KCNJ6: variants seen among roughly 807,000 people sequenced by gnomAD.
KCNJ6 encodes the protein G protein-activated inward rectifier potassium channel 2.
A neutral mutation model predicts 34.2 loss-of-function variants in KCNJ6; 9 were observed. That is an observed-to-expected ratio of 0.26 (90% CI 0.16 to 0.46). The LOEUF (loss-of-function observed/expected upper bound fraction) is 0.46. KCNJ6 is among the 20% of genes least tolerant of loss of function. The probability of loss-of-function intolerance (pLI) is 1.00; values close to 1 mark genes in which losing one functional copy is unlikely to be tolerated. For missense variants in KCNJ6, 236 were observed against 531.3 expected (o/e 0.44, Z 5.46); for synonymous variants, 196 against 207.1 (o/e 0.95, Z 0.46).
intron 3 of KCNJ6, among the ~76,000 whole-genome samples, chr21:37,626,983 CCAGCCAGT>C (rs1373819497): frequency 6.6e-6 from 1 of 152,124 alleles, no homozygotes; most frequent in Non-Finnish European, 1.5e-5. Context: ...GAGCAGCCAG[CCAGCCAGT>C]CAGTATGTCA....
intron 1 of KCNJ6, among the ~76,000 whole-genome samples, chr21:37,850,325 A>G (rs2055531169): frequency 6.6e-6 from 1 of 152,008 alleles, no homozygotes; most frequent in African/African-American, 2.4e-5. Context: ...CAGGCCGTGG[A>G]CCAATACTGG....
intron 3 of KCNJ6, among the ~76,000 whole-genome samples, chr21:37,699,776 G>A (rs2054681125): frequency 1.3e-5 from 2 of 152,188 alleles, no homozygotes; most frequent in South Asian, 2.1e-4. Flanking sequence ...TTGGATGTCC[G>A]CTTTAAACTC....
intron 3 of KCNJ6, among the ~76,000 whole-genome samples, chr21:37,693,396 G>C (rs1569446731): frequency 3.9e-5 from 6 of 152,212 alleles, no homozygotes; most frequent in Admixed American, 2.0e-4. Context: ...GGAGTATGCA[G>C]GAATGAACCA....
chr21:37,787,061 C>A (rs1005794295), intron 2 of KCNJ6, among the ~76,000 whole-genome samples: 1 of 152,268 alleles, frequency 6.6e-6, no homozygotes, highest in South Asian at 2.1e-4. Context: ...CTCATTTTTA[C>A]TTTTGGTCTC....
At chr21:37,676,190 G>A (rs1412902378) in intron 3 of KCNJ6, among the ~76,000 whole-genome samples, 1 of 152,202 alleles carries the variant, frequency 6.6e-6, no homozygotes, top group East Asian at 1.9e-4. Flanking sequence ...AAGGGAGGTG[G>A]CAAGTCTGTG....
intron 3 of KCNJ6, among the ~76,000 whole-genome samples, chr21:37,638,538 C>T (rs192863592): frequency 6.6e-6 from 1 of 152,342 alleles, no homozygotes; most frequent in East Asian, 1.9e-4. Flanking sequence ...AATGAATGAT[C>T]ATAGCCAAAG....
At chr21:37,789,641 A>G (rs2055207856) in intron 2 of KCNJ6, among the ~76,000 whole-genome samples, 1 of 152,240 alleles carries the variant, frequency 6.6e-6, no homozygotes, top group African/African-American at 2.4e-5. Context: ...GTTAGCATAG[A>G]TGAGAGAAAG....
At chr21:37,741,943 G>A (rs191224626) in intron 2 of KCNJ6, among the ~76,000 whole-genome samples, 72 of 152,324 alleles carry the variant, frequency 4.7e-4, no homozygotes, top group African/African-American at 1.7e-3. Context: ...TTATTCACAC[G>A]TGCTGTAGTA....
chr21:37,706,296 C>G (rs1374201217), intron 3 of KCNJ6, among the ~76,000 whole-genome samples: 1 of 152,198 alleles, frequency 6.6e-6, no homozygotes. Context: ...TTTTTCAGCT[C>G]AGCTTACTGG....
chr21:37,855,997 G>A (rs2123596337), intron 1 of KCNJ6, among the ~76,000 whole-genome samples: 1 of 152,294 alleles, frequency 6.6e-6, no homozygotes, highest in Admixed American at 6.5e-5. Flanking sequence ...GGGGGTGGAA[G>A]CAGGATTCAG....
chr21:37,778,308 C>A (rs572247296), intron 2 of KCNJ6, among the ~76,000 whole-genome samples: 2 of 152,116 alleles, frequency 1.3e-5, no homozygotes, highest in African/African-American at 2.4e-5. Context: ...GTTTCCATAA[C>A]CTGACTTTTG....
At position 37,714,758 on chromosome 21, in the gene KCNJ6, A is replaced by T; in HGVS notation, c.399T>A (p.Val133=). The T allele has an allele frequency of 6.2e-7, 1 of 1,614,200 alleles. No individual in the cohort carries two copies. Among genetic ancestry groups the T allele is most frequent in the South Asian group, 1.1e-5 (1 of 91,076 alleles). ...HIEDPSWTPC[V]TNLNGFVSAF... is the part of the protein sequence containing the mutation. Reference sequence around the variant, plus strand: ...CAGAGACGAACCCGTTGAGGTTGGTAACACAAGGAGTCCAGGAGGGGTCCT... The same window carrying T: ...CAGAGACGAACCCGTTGAGGTTGGTTACACAAGGAGTCCAGGAGGGGTCCT... The change falls in exon 3 of 4, where the codon GTT becomes GTA. Residue 133 remains valine, a synonymous_variant. Transcript: ENST00000609713. This position sits in a 1 kb window ranked among gnomAD's most constrained non-coding sequence, Gnocchi z 5.9.
intron 2 of KCNJ6, among the ~76,000 whole-genome samples, chr21:37,791,760 ATTTT>A (rs538566874): frequency 3.3e-5 from 5 of 149,710 alleles, no homozygotes; most frequent in Non-Finnish European, 7.4e-5. Context: ...GCAAAGATTG[ATTTT>A]TTTTTTAGCC....
Position 37,849,982 on chromosome 21 carries a change from C to T in KCNJ6, c.-27-9273G>A, listed in dbSNP as rs545904196. Among the ~76,000 whole-genome samples, 3 of 152,324 alleles carry T rather than the reference C, an allele frequency of 2.0e-5. No individual in the cohort carries two copies. The South Asian group carries it at 6.2e-4, about 32-fold the overall frequency. ...ATAGAATGAATGGAATGTCCCTGAA[C>T]AGCTGTGAGTTTCCTGACATGAGAT... On this transcript the variant is annotated intron_variant, in intron 1 of 3. Transcript: ENST00000609713.
intron 3 of KCNJ6, among the ~76,000 whole-genome samples, chr21:37,711,168 G>A (rs755934885): frequency 5.3e-5 from 8 of 152,196 alleles, no homozygotes; most frequent in Non-Finnish European, 1.0e-4. Context: ...CCTGCAATGC[G>A]GCTGGCATTG....
At chr21:37,857,276 G>A (rs1389806259) in intron 1 of KCNJ6, among the ~76,000 whole-genome samples, 2 of 152,212 alleles carry the variant, frequency 1.3e-5, no homozygotes, top group East Asian at 3.9e-4. Flanking sequence ...AAGGTGGTGA[G>A]TGAGAAACGA....
In KCNJ6 at chr21:37,731,100, A is replaced by AGTGTGT. The variant is rs113587330; in HGVS notation, c.26-15975_26-15970dup. Reference sequence around the variant, plus strand: ...TCTGCCATTGCAGATAGATGAGAGAAGTGTGTGTGTGTGTGTGTGTGTGTG... The same window carrying AGTGTGT: ...TCTGCCATTGCAGATAGATGAGAGAAGTGTGTGTGTGTGTGTGTGTGTGTGTGTGTG... On this transcript the variant is annotated intron_variant, in intron 2 of 3. Transcript: ENST00000609713. 1.4e-3 allele frequency among the ~76,000 whole-genome samples: 184 copies of AGTGTGT among 134,784 alleles called. 1 individual carries two copies. The highest frequency in any genetic ancestry group is 3.8e-3 in the Middle Eastern group (1 of 260). 88.4% of individuals were successfully genotyped at this position (134,784 alleles called of 152,430 possible).
intron 1 of KCNJ6, among the ~76,000 whole-genome samples, chr21:37,864,419 C>G (rs886913542): frequency 1.3e-5 from 2 of 152,122 alleles, no homozygotes; most frequent in African/African-American, 2.4e-5. Context: ...CCAGGAATAT[C>G]CAGTTCTTTA....
rs1169650508 is a variant in KCNJ6, at chr21:37,818,410, A to G, written c.25+22248T>C. 2.0e-5 allele frequency among the ~76,000 whole-genome samples: 3 copies of G among 152,184 alleles called. No individual in the cohort carries two copies. The East Asian group carries it at 5.8e-4, about 29-fold the overall frequency. On this transcript the variant is annotated intron_variant, in intron 2 of 3. Transcript: ENST00000609713. ...AATGAGGCAACTTAATAGAACTCACAACATGACATTTTATAACACAATGCC... is the reference window on the plus strand; with the variant it reads ...AATGAGGCAACTTAATAGAACTCACGACATGACATTTTATAACACAATGCC...
Sources: gnomAD v4.1 joint callset for allele counts (sites outside exome capture counted in the v4.1 genomes callset) on GRCh38, gnomAD v4.1.1 for gene constraint, Gnocchi (gnomAD v3.1) non-coding constraint, MANE v1.5 for transcripts, NCBI Gene and HGNC (gene_info 2026-07-23, HGNC 2026-07-21) for gene names.